ENTREP2: variants seen among roughly 807,000 people sequenced by gnomAD.
ENTREP2 encodes protein ENTREP2.
the ENTREP2 span, among the ~76,000 whole-genome samples, chr15:29,410,835 G>A: frequency 1.3e-3 from 191 of 152,278 alleles, 2 homozygotes; most frequent in Non-Finnish European, 1.3e-3. Flanking sequence ...GCCCAGGCTG[G>A]AGTGCAGTGG....
the ENTREP2 span, among the ~76,000 whole-genome samples, chr15:29,134,217 C>T: frequency 7.2e-5 from 11 of 152,288 alleles, no homozygotes; most frequent in South Asian, 2.3e-3. Context: ...GGCAGAGGTC[C>T]CAGCTCAGCT....
chr15:29,315,127 A>T, the ENTREP2 span, among the ~76,000 whole-genome samples: 1 of 152,218 alleles, frequency 6.6e-6, no homozygotes, highest in Admixed American at 6.5e-5. Flanking sequence ...ATATTCTTGG[A>T]TAAGAAGATA....
chr15:29,659,305 C>T, the ENTREP2 span, among the ~76,000 whole-genome samples: 1 of 152,026 alleles, frequency 6.6e-6, no homozygotes, highest in Non-Finnish European at 1.5e-5. Flanking sequence ...CCCGTCTCTA[C>T]TGAAAATACA....
At chr15:29,489,015 A>G in the ENTREP2 span, among the ~76,000 whole-genome samples, 1 of 152,218 alleles carries the variant, frequency 6.6e-6, no homozygotes, top group African/African-American at 2.4e-5. Context: ...TCTGGAGACA[A>G]TGAAAATAAT....
At chr15:29,137,971 T>C in the ENTREP2 span, among the ~76,000 whole-genome samples, 1 of 151,660 alleles carries the variant, frequency 6.6e-6, no homozygotes, top group African/African-American at 2.4e-5. Context: ...AAATGCCACA[T>C]GCTCCCTTCT....
the ENTREP2 span, among the ~76,000 whole-genome samples, chr15:29,139,966 T>C: frequency 6.6e-6 from 1 of 152,182 alleles, no homozygotes; most frequent in African/African-American, 2.4e-5. Flanking sequence ...GTGCCTGGGC[T>C]GCCGGCAGGC....
At chr15:29,279,942 A>G in the ENTREP2 span, among the ~76,000 whole-genome samples, 1 of 147,040 alleles carries the variant, frequency 6.8e-6, no homozygotes, top group Non-Finnish European at 1.5e-5. Context: ...CTCGCCTGGA[A>G]AAAAAAAAAT....
the ENTREP2 span, among the ~76,000 whole-genome samples, chr15:29,177,678 G>A: frequency 1.9e-4 from 29 of 152,290 alleles, no homozygotes; most frequent in Middle Eastern, 3.4e-3. Context: ...TCAAGCCACG[G>A]CAGAGCTGCC....
the ENTREP2 span, among the ~76,000 whole-genome samples, chr15:29,555,794 CACTG>C: frequency 6.6e-6 from 1 of 152,208 alleles, no homozygotes; most frequent in East Asian, 1.9e-4. Flanking sequence ...TTACAGAGCC[CACTG>C]TGCTCTGGGT....
At chr15:29,343,480 A>G in the ENTREP2 span, among the ~76,000 whole-genome samples, 1 of 151,626 alleles carries the variant, frequency 6.6e-6, no homozygotes, top group Non-Finnish European at 1.5e-5. Context: ...CTCAACACCT[A>G]CCTAACCTCC....
chr15:29,661,659 C>G, the ENTREP2 span, among the ~76,000 whole-genome samples: 2 of 152,120 alleles, frequency 1.3e-5, no homozygotes, highest in African/African-American at 2.4e-5. Flanking sequence ...ATTTAATGAG[C>G]TACACACATA....
At chr15:29,340,897 C>G in the ENTREP2 span, among the ~76,000 whole-genome samples, 3 of 152,318 alleles carry the variant, frequency 2.0e-5, no homozygotes, top group East Asian at 1.9e-4. Context: ...TATCCTCCCC[C>G]CAACCCCAGT....
chr15:29,360,272 C>T, the ENTREP2 span, among the ~76,000 whole-genome samples: 9 of 152,232 alleles, frequency 5.9e-5, no homozygotes, highest in Middle Eastern at 3.4e-3. Context: ...TCTAGTGACA[C>T]TTCATTTATT....
At chr15:29,261,317 G>A in the ENTREP2 span, among the ~76,000 whole-genome samples, 1 of 152,206 alleles carries the variant, frequency 6.6e-6, no homozygotes, top group Admixed American at 6.5e-5. Flanking sequence ...GTTGGAGGCT[G>A]CCGTGAGCTA....
At chr15:29,593,434 G>A in the ENTREP2 span, among the ~76,000 whole-genome samples, 1 of 152,006 alleles carries the variant, frequency 6.6e-6, no homozygotes, top group African/African-American at 2.4e-5. Context: ...ACCAGTGACA[G>A]CCTCTTGACT....
At chr15:29,176,720 G>A in the ENTREP2 span, among the ~76,000 whole-genome samples, 1 of 152,118 alleles carries the variant, frequency 6.6e-6, no homozygotes, top group African/African-American at 2.4e-5. Flanking sequence ...CCCCAGGAGG[G>A]GTTAGATCTC....
At chr15:29,569,432 C>T in the ENTREP2 span, 1 of 138,562 alleles carries the variant, frequency 7.2e-6, no homozygotes, top group African/African-American at 2.5e-5. Context: ...AATTTTAAAA[C>T]TCAAGAACAA....
At chr15:29,514,123 T>A in the ENTREP2 span, among the ~76,000 whole-genome samples, 1 of 152,228 alleles carries the variant, frequency 6.6e-6, no homozygotes, top group Non-Finnish European at 1.5e-5. Flanking sequence ...CATTTTTAAG[T>A]GTACAGTACT....
chr15:29,332,574 A>C, the ENTREP2 span, among the ~76,000 whole-genome samples: 1 of 152,224 alleles, frequency 6.6e-6, no homozygotes, highest in African/African-American at 2.4e-5. Flanking sequence ...GTAAGAAGCA[A>C]GCATGCTAGC....
Sources: allele counts gnomAD v4.1 joint callset (sites outside exome capture counted in the v4.1 genomes callset), GRCh38; gene constraint gnomAD v4.1.1; transcripts MANE v1.5; gene names NCBI Gene and HGNC (gene_info 2026-07-23, HGNC 2026-07-21).